The following TRPM7 variants were observed in gnomAD, a reference collection of about 807,000 sequenced individuals.
The protein encoded by TRPM7 is LTRPC ion channel family member 7.
TRPM7 carries 134 observed loss-of-function variants against 229.7 expected under a neutral mutation model. That is an observed-to-expected ratio of 0.58 (90% confidence interval 0.51 to 0.67). TRPM7 has a LOEUF of 0.67. Among genes scored for constraint, TRPM7 ranks in the 30% least tolerant of loss-of-function variants. TRPM7 has a pLI of 0.00. For synonymous variants in TRPM7, 699 were observed against 715.2 expected (o/e 0.98, Z 0.36); for missense variants, 1,901 against 2,210.0 (o/e 0.86, Z 2.80).
intron 4 of TRPM7, among the ~76,000 whole-genome samples, chr15:50,647,924 C>T (rs1170545717): frequency 6.6e-6 from 1 of 152,166 alleles, no homozygotes; most frequent in African/African-American, 2.4e-5. Context: ...CAACTATTTA[C>T]ATTGTATTGG....
chr15:50,604,604 G>T, intron 21 of TRPM7: 2 of 234,474 alleles, frequency 8.5e-6, no homozygotes, highest in Non-Finnish European at 1.6e-5. Context: ...GCCTGGATCA[G>T]TGAAGACAGG....
At chr15:50,573,804 T>C (rs996105491) in intron 36 of TRPM7, among the ~76,000 whole-genome samples, 3 of 152,204 alleles carry the variant, frequency 2.0e-5, no homozygotes, top group African/African-American at 7.2e-5. Flanking sequence ...CTCACTCCTG[T>C]AATCCCAGCA....
intron 4 of TRPM7, among the ~76,000 whole-genome samples, chr15:50,645,742 T>C (rs1196703130): frequency 6.6e-6 from 1 of 152,232 alleles, no homozygotes. Context: ...TTTTTAATAC[T>C]ATATTAGAGA....
chr15:50,624,129 A>C (rs1339562851), intron 12 of TRPM7, 37 bp downstream of exon 12: 1 of 1,569,984 alleles, frequency 6.4e-7, no homozygotes, highest in Admixed American at 1.9e-5. Flanking sequence ...CCCAAAAGAT[A>C]AAATGTAGTC....
At chr15:50,630,558 C>T (rs1438762444) in intron 10 of TRPM7, among the ~76,000 whole-genome samples, 1 of 152,168 alleles carries the variant, frequency 6.6e-6, no homozygotes, top group Non-Finnish European at 1.5e-5. Context: ...AAAGATACCA[C>T]TAGTTTTCAA....
intron 5 of TRPM7, among the ~76,000 whole-genome samples, chr15:50,640,173 C>A (rs1057113869): frequency 6.6e-6 from 1 of 152,164 alleles, no homozygotes; most frequent in African/African-American, 2.4e-5. Flanking sequence ...AAAACACACA[C>A]ACACACAATA....
chr15:50,581,903 C>T (rs967519235), intron 29 of TRPM7, among the ~76,000 whole-genome samples: 3 of 151,434 alleles, frequency 2.0e-5, no homozygotes, highest in Non-Finnish European at 4.4e-5. Context: ...TAATCTGTTG[C>T]ATTCTGATCC....
At chr15:50,664,635 C>T in intron 1 of TRPM7, among the ~76,000 whole-genome samples, 1 of 152,118 alleles carries the variant, frequency 6.6e-6, no homozygotes, top group Non-Finnish European at 1.5e-5. Flanking sequence ...AGAAGATTAA[C>T]ACATTTCCCT....
At chr15:50,639,118 T>C (rs8031444) in intron 6 of TRPM7, among the ~76,000 whole-genome samples, 10,083 of 152,272 alleles carry the variant, frequency 0.066, 482 homozygotes, top group African/African-American at 0.13. Flanking sequence ...CATGTAGTCA[T>C]TAAAAATTTA....
At chr15:50,674,180 G>C (rs113913544) in intron 1 of TRPM7, among the ~76,000 whole-genome samples, 55,886 of 151,974 alleles carry the variant, frequency 0.37, 11,354 homozygotes, top group Non-Finnish European at 0.44. Flanking sequence ...GTAGAGATGG[G>C]GTTTCACCAT....
intron 9 of TRPM7, 69 bp downstream of exon 9, chr15:50,632,800 T>C: frequency 7.3e-7 from 1 of 1,372,888 alleles, no homozygotes; most frequent in Non-Finnish European, 9.7e-7. Flanking sequence ...TTTCACCAGT[T>C]TAGAATGTGT....
chr15:50,574,537 T>G, intron 35 of TRPM7, 58 bp from the exon 36 acceptor site: 1 of 1,555,374 alleles, frequency 6.4e-7, no homozygotes, highest in Non-Finnish European at 8.8e-7. Flanking sequence ...TTCTAATTGA[T>G]CTACAAAATG....
Position 50,609,723 on chromosome 15 carries a change from T to C in TRPM7, c.2438A>G (p.Glu813Gly). The C allele has an allele frequency of 6.4e-7, 1 of 1,556,294 alleles. No individual in the cohort carries two copies. The highest frequency in any genetic ancestry group is 8.6e-7 in the Non-Finnish European group (1 of 1,158,936). ...CAAAATCCGTACTTCTTTAAACACT[T>C]CCTAAAATTAAAAAAAAAAAAATTC... ...FQNITEEIPM[E>G]VFKEVRILDS... Residue 813 changes from glutamate (E) to glycine (G), a missense_variant and splice_region_variant, in exon 19 of 39, where the codon GAA (glutamate) becomes GGA (glycine). Coordinates refer to ENST00000646667, the MANE Select transcript of TRPM7 (RefSeq NM_017672.6).
chr15:50,611,396 AAT>A, intron 16 of TRPM7, 75 bp from the exon 17 acceptor site: 1 of 1,075,976 alleles, frequency 9.3e-7, no homozygotes, highest in Non-Finnish European at 1.3e-6. Context: ...TATATACATT[AAT>A]ACTTCCTACT....
intron 12 of TRPM7, among the ~76,000 whole-genome samples, chr15:50,623,407 T>C (rs994386796): frequency 1.3e-4 from 15 of 112,044 alleles, no homozygotes; most frequent in East Asian, 8.2e-4. Flanking sequence ...CGAGATTCTG[T>C]CAAAAAAAAA....
intron 6 of TRPM7, among the ~76,000 whole-genome samples, 173 bp from the exon 7 acceptor site, chr15:50,637,766 A>AG (rs774009967): frequency 1.3e-5 from 2 of 152,252 alleles, no homozygotes; most frequent in African/African-American, 2.4e-5. Flanking sequence ...TAAGCAGCTG[A>AG]GGATTAATCA....
intron 38 of TRPM7, 149 bp from the exon 39 acceptor site, chr15:50,561,957 C>T (rs996044249): frequency 1.2e-5 from 9 of 728,760 alleles, no homozygotes; most frequent in Middle Eastern, 8.4e-4. Context: ...TGCAATGGCG[C>T]GATCTCGGTT....
intron 12 of TRPM7, among the ~76,000 whole-genome samples, chr15:50,623,408 CAAA>C (rs71910502): frequency 2.5e-5 from 3 of 119,080 alleles, no homozygotes; most frequent in Admixed American, 8.0e-5. Flanking sequence ...GAGATTCTGT[CAAA>C]AAAAAAAAAA....
chr15:50,676,714 C>A (rs553586842), intron 1 of TRPM7, among the ~76,000 whole-genome samples: 1 of 152,148 alleles, frequency 6.6e-6, no homozygotes, highest in South Asian at 2.1e-4. Flanking sequence ...AAAACAGTCC[C>A]CATCCTATGC....
Sources: gnomAD v4.1 joint callset for allele counts (sites outside exome capture counted in the v4.1 genomes callset) on GRCh38, gnomAD v4.1.1 for gene constraint, MANE v1.5 for transcripts, NCBI Gene and HGNC (gene_info 2026-07-23, HGNC 2026-07-21) for gene names.